The following RSF1 variants were observed in gnomAD, a reference collection of about 807,000 sequenced individuals.
The protein encoded by RSF1 is HBV pX-associated protein 8.
A neutral mutation model predicts 145.2 loss-of-function variants in RSF1; 13 were observed. The ratio of observed to expected loss-of-function variants is 0.09; its 90% CI spans 0.06 to 0.14. The LOEUF is 0.14. Among genes scored for constraint, RSF1 ranks in the 10% least tolerant of loss-of-function variants. RSF1 has a pLI of 1.00. For synonymous variants in RSF1, 577 were observed against 592.6 expected, an observed-to-expected ratio of 0.97 and a Z score of 0.38; for missense variants, 1,517 against 1,718.2, an observed-to-expected ratio of 0.88 and a Z score of 2.07.
chr11:77,852,419 A>G, the RSF1 span, among the ~76,000 whole-genome samples: 1 of 151,920 alleles, frequency 6.6e-6, no homozygotes, highest in Non-Finnish European at 1.5e-5. Context: ...CATGTAAAAT[A>G]TTTACATGAT....
chr11:77,787,931 C>T (rs1477109556), intron 1 of RSF1, among the ~76,000 whole-genome samples: 6 of 150,398 alleles, frequency 4.0e-5, no homozygotes, highest in Admixed American at 2.7e-4. Context: ...GAGTTTGAGA[C>T]GAGTCTGGGC....
intron 4 of RSF1, among the ~76,000 whole-genome samples, chr11:77,735,212 G>A (rs1209851438): frequency 2.6e-5 from 4 of 152,170 alleles, no homozygotes; most frequent in Non-Finnish European, 4.4e-5. Flanking sequence ...AAACCCCGAC[G>A]ACTCTCGGCA....
chr11:77,762,027 C>CTTTTCTTTTTTTTTTT (rs1948178767), intron 2 of RSF1: 2 of 58,754 alleles, frequency 3.4e-5, no homozygotes, highest in African/African-American at 7.8e-5. Flanking sequence ...CTTTTCTTTT[C>CTTTTCTTTTTTTTTTT]TTTTTTTTTT....
chr11:77,757,236 AAAGGCTAGCATAAAGCCC>A (rs1312029937), intron 2 of RSF1, among the ~76,000 whole-genome samples: 6 of 152,212 alleles, frequency 3.9e-5, no homozygotes, highest in African/African-American at 1.4e-4. Context: ...GCCCTAGCAT[AAAGGCTAGCATAAAGCCC>A]TGGCATAAAG....
chr11:77,869,926 C>T, the RSF1 span: 20 of 1,030,246 alleles, frequency 1.9e-5, no homozygotes, highest in Non-Finnish European at 2.5e-5. Context: ...CATGTACCCT[C>T]ATTTTGCTGA....
At chr11:77,832,963 G>A in the RSF1 span, among the ~76,000 whole-genome samples, 57 of 26,794 alleles carry the variant, frequency 2.1e-3, 1 homozygote, top group African/African-American at 9.6e-3. Flanking sequence ...GTGTGTGTGT[G>A]TGTGTGTGTG....
chr11:77,857,296 C>T, the RSF1 span, among the ~76,000 whole-genome samples: 1 of 152,156 alleles, frequency 6.6e-6, no homozygotes, highest in African/African-American at 2.4e-5. Flanking sequence ...GATCTTTGAC[C>T]TGACTCTTGA....
chr11:77,712,002 AGATT>A (rs58270220), intron 5 of RSF1, among the ~76,000 whole-genome samples: 26,722 of 151,952 alleles, frequency 0.18, 2,875 homozygotes, highest in African/African-American at 0.29. Flanking sequence ...TCTCTAGATT[AGATT>A]GAGGTTATAC....
chr11:77,852,471 A>T, the RSF1 span, among the ~76,000 whole-genome samples: 1 of 152,038 alleles, frequency 6.6e-6, no homozygotes, highest in South Asian at 2.1e-4. Context: ...CTTGCTGTTC[A>T]CTATCACCAG....
intron 1 of RSF1, 44 bp downstream of exon 1, chr11:77,820,484 G>A (rs779783339): frequency 2.0e-6 from 3 of 1,534,242 alleles, no homozygotes; most frequent in East Asian, 2.4e-5. Context: ...GAGTAGCAGA[G>A]CGCCAGGGCC....
At position 77,664,002 on chromosome 11, in the gene RSF1, C is replaced by A. The variant is rs964798368; in HGVS notation, c.*2915G>T. 1 of 152,144 alleles carries A rather than the reference C, an allele frequency of 6.6e-6. No individual in the cohort carries two copies. Among genetic ancestry groups the A allele is most frequent in the African/African-American group, 2.4e-5 (1 of 41,442 alleles). The allele number at this position is 152,144 out of a possible 1,614,324, so 9.4% of individuals were successfully genotyped here. A position where few individuals can be genotyped will look rare whatever the true frequency, so the allele number is the denominator to read the frequency against. On this transcript the variant is annotated 3_prime_UTR_variant, in exon 16 of 16. Transcript: ENST00000308488. ...CATGGTTAGTGCTCTAAAAAAGATCCAAGACTGTCTAAACTCTACATCAAT... is the reference window on the plus strand; with the variant it reads ...CATGGTTAGTGCTCTAAAAAAGATCAAAGACTGTCTAAACTCTACATCAAT...
At chr11:77,725,477 G>A in intron 5 of RSF1, 68 bp downstream of exon 5, 1 of 1,190,382 alleles carries the variant, frequency 8.4e-7, no homozygotes. Context: ...TTATATAGTT[G>A]GGAAGAGGAG....
intron 1 of RSF1, among the ~76,000 whole-genome samples, chr11:77,805,079 A>G (rs1948664083): frequency 6.6e-6 from 1 of 152,212 alleles, no homozygotes; most frequent in Non-Finnish European, 1.5e-5. Flanking sequence ...GTGGGGAGAA[A>G]GGAACAAAAA....
At chr11:77,718,767 C>A (rs1403252729) in intron 5 of RSF1, among the ~76,000 whole-genome samples, 1 of 152,158 alleles carries the variant, frequency 6.6e-6, no homozygotes, top group Non-Finnish European at 1.5e-5. Flanking sequence ...CTTTTAACTC[C>A]AGAACTGAGA....
chr11:77,801,628 C>T lies in RSF1; in HGVS notation c.187+18900G>A, dbSNP rs1282483916. 6.6e-5 allele frequency among the ~76,000 whole-genome samples: 10 copies of T among 152,062 alleles called. No homozygotes were observed. The East Asian group carries it at 1.9e-3, about 29-fold the overall frequency. On this transcript the variant is annotated intron_variant, in intron 1 of 15. Coordinates refer to ENST00000308488, the MANE Select transcript of RSF1 (RefSeq NM_016578.4). ...CAATGGGGTAACATGCGTGTCTACA[C>T]AGAGCTCTTAAATCCCGTGGAATTT...
chr11:77,733,851 C>T (rs1276050922), intron 4 of RSF1, among the ~76,000 whole-genome samples: 1 of 152,208 alleles, frequency 6.6e-6, no homozygotes, highest in Non-Finnish European at 1.5e-5. Flanking sequence ...TGTGAGCCAT[C>T]ATGCTGAGCC....
At chr11:77,745,233 T>C (rs1243760440) in intron 3 of RSF1, among the ~76,000 whole-genome samples, 1 of 152,154 alleles carries the variant, frequency 6.6e-6, no homozygotes, top group Non-Finnish European at 1.5e-5. Context: ...CTTAGTTTTG[T>C]TTATCTTTTC....
At chr11:77,672,305 A>G in intron 14 of RSF1, 75 bp from the exon 15 acceptor site, 2 of 1,194,206 alleles carry the variant, frequency 1.7e-6, no homozygotes, top group Non-Finnish European at 2.3e-6. Flanking sequence ...ATAAAAATGA[A>G]AAGCTACCAA....
Position 77,701,774 on chromosome 11 carries a change from A to T in RSF1, c.1455T>A (p.Asn485Lys), listed in dbSNP as rs1960430973. The T allele has an allele frequency of 6.2e-7, 1 of 1,613,852 alleles. No homozygotes were observed. The highest frequency in any genetic ancestry group is 1.3e-5 in the African/African-American group (1 of 75,006). Residue 485 changes from asparagine to lysine, a missense_variant, in exon 6 of 16, where the codon AAT becomes AAA. Around this residue, in one of 12 missense-constraint regions of RSF1, gnomAD observed 579 missense variants for 553.5 expected, o/e 1.05. Coordinates refer to ENST00000308488, the MANE Select transcript of RSF1 (RefSeq NM_016578.4). ...SKDRNIITEGNGTESLNSVIT... is the reference protein window; with the variant it reads ...SKDRNIITEGKGTESLNSVIT... The stretch of plus-strand genomic sequence containing the variant: ...TGACAGAATTTAAGGACTCTGTTCC[A>T]TTTCCCTCCGTGATGATATTTCTGT...
Sources: gnomAD v4.1 joint callset for allele counts (sites outside exome capture counted in the v4.1 genomes callset) on GRCh38, gnomAD v4.1.1 for gene constraint, gnomAD v4.1.1 regional missense constraint, MANE v1.5 for transcripts, NCBI Gene and HGNC (gene_info 2026-07-23, HGNC 2026-07-21) for gene names.